The following IREB2 variants were observed in gnomAD, a reference collection of about 807,000 sequenced individuals.
IREB2 encodes iron-responsive element-binding protein 2.
Under a neutral mutation model 118.8 loss-of-function variants are expected in IREB2, and 39 were observed. The ratio of observed to expected loss-of-function variants is 0.33; its 90% CI spans 0.25 to 0.43. IREB2 has a LOEUF of 0.43. IREB2 is among the 20% of genes least tolerant of loss of function. IREB2 has a pLI of 1.00. For synonymous variants in IREB2, 372 were observed against 392.2 expected, an observed-to-expected ratio of 0.95 and a Z score of 0.61; for missense variants, 900 against 1,147.3, an observed-to-expected ratio of 0.78 and a Z score of 3.11.
At chr15:78,443,757 G>T (rs199830583) in intron 2 of IREB2, among the ~76,000 whole-genome samples, 1 of 151,670 alleles carries the variant, frequency 6.6e-6, no homozygotes, top group African/African-American at 2.4e-5. Context: ...AACGATTCTC[G>T]TGCCTCAGCC....
chr15:78,476,361 TAAG>T lies in IREB2; in HGVS notation c.1195+7_1195+9del, dbSNP rs1331871027. 1.3e-6 allele frequency: 2 copies of T among 1,533,950 alleles called. No homozygotes were observed. Among genetic ancestry groups the T allele is most frequent in the Non-Finnish European group, 8.9e-7 (1 of 1,123,860 alleles). On this transcript the variant is annotated splice_donor_5th_base_variant and intron_variant, in intron 9 of 21. Coordinates refer to ENST00000258886, the MANE Select transcript of IREB2 (RefSeq NM_004136.4). ...CATTAAAACATTTAGAACATACAGG[TAAG>T]AAGATAAAAGATCACTAGAATAAAC... is the stretch of plus-strand genomic sequence containing the variant.
At chr15:78,467,420 G>A (rs373635460) in intron 5 of IREB2, among the ~76,000 whole-genome samples, 2 of 151,934 alleles carry the variant, frequency 1.3e-5, no homozygotes, top group East Asian at 1.9e-4. Context: ...GGCCAGGCGC[G>A]GTGGCGCATG....
Position 78,476,200 on chromosome 15 carries a change from G to A in IREB2, c.1036G>A (p.Val346Ile), listed in dbSNP as rs148438593. ...ATTCCTTATATAGCACCTCAGGCAAGTAGGAGTGGCTGGAAAGTTTGTTGA... is the reference window on the plus strand; with the variant it reads ...ATTCCTTATATAGCACCTCAGGCAAATAGGAGTGGCTGGAAAGTTTGTTGA... ...VLGITKHLRQVGVAGKFVEFF... is the reference protein window; with the variant it reads ...VLGITKHLRQIGVAGKFVEFF... Residue 346 changes from valine to isoleucine, a missense_variant, in exon 9 of 22, where the codon GTA (valine) becomes ATA (isoleucine). Val to Ile is a conservative substitution (Grantham distance 29). Coordinates refer to ENST00000258886, the MANE Select transcript of IREB2 (RefSeq NM_004136.4). The A allele has an allele frequency of 6.3e-7, 1 of 1,590,884 alleles. No homozygotes were observed.
At chr15:78,464,594 C>A (rs1394497067) in intron 3 of IREB2, among the ~76,000 whole-genome samples, 1 of 152,118 alleles carries the variant, frequency 6.6e-6, no homozygotes, top group Non-Finnish European at 1.5e-5. Context: ...AAAACTTGAT[C>A]TTATTTTGAG....
At chr15:78,468,542 C>A (rs1008369456) in intron 5 of IREB2, among the ~76,000 whole-genome samples, 8 of 143,556 alleles carry the variant, frequency 5.6e-5, no homozygotes, top group Non-Finnish European at 9.2e-5. Flanking sequence ...CTCCACCTGG[C>A]TTTTTTTTTT....
At chr15:78,445,536 A>G (rs912056761) in intron 2 of IREB2, among the ~76,000 whole-genome samples, 1 of 152,266 alleles carries the variant, frequency 6.6e-6, no homozygotes, top group Non-Finnish European at 1.5e-5. Context: ...GGAAGAAAGC[A>G]TAGTCAAGTT....
intron 13 of IREB2, among the ~76,000 whole-genome samples, chr15:78,487,301 T>G: frequency 6.6e-6 from 1 of 152,334 alleles, no homozygotes; most frequent in Non-Finnish European, 1.5e-5. Context: ...AAAGGTCATG[T>G]TATATTCCTA....
chr15:78,484,796 A>C lies in IREB2; in HGVS notation c.1449A>C (p.Lys483Asn). 1 of 1,613,564 alleles carries C rather than the reference A, an allele frequency of 6.2e-7. No homozygotes were observed. Among genetic ancestry groups the C allele is most frequent in the Non-Finnish European group, 8.5e-7 (1 of 1,179,840 alleles). ...AAGGCTTCCAAATTGCAGCTGAAAAACAAAAGGATATTGTCTCCATTCATT... is the reference window on the plus strand; with the variant it reads ...AAGGCTTCCAAATTGCAGCTGAAAACCAAAAGGATATTGTCTCCATTCATT... Reference protein sequence around the residue: ...GFKGFQIAAEKQKDIVSIHYE... With the variant: ...GFKGFQIAAENQKDIVSIHYE... The change falls in exon 12 of 22, where the codon AAA becomes AAC. Residue 483 changes from lysine to asparagine, a missense_variant. By Grantham distance (94) the Lys-to-Asn change is moderately conservative. Transcript: ENST00000258886.
chr15:78,455,487 T>C (rs550187844), intron 2 of IREB2, among the ~76,000 whole-genome samples: 8 of 151,864 alleles, frequency 5.3e-5, no homozygotes, highest in Non-Finnish European at 7.4e-5. Context: ...CCCAGCACTT[T>C]GGAAGGCCAA....
At chr15:78,439,218 C>T (rs1310066796) in intron 1 of IREB2, among the ~76,000 whole-genome samples, 3 of 152,178 alleles carry the variant, frequency 2.0e-5, no homozygotes, top group Non-Finnish European at 4.4e-5. Context: ...TGCTAATTTC[C>T]TAGAGATTCT....
At chr15:78,466,783 T>C (rs2051290470) in intron 5 of IREB2, among the ~76,000 whole-genome samples, 1 of 152,230 alleles carries the variant, frequency 6.6e-6, no homozygotes, top group African/African-American at 2.4e-5. Flanking sequence ...GATCTCATTT[T>C]AAACTAAAAT....
At chr15:78,484,509 G>A (rs1015274230) in intron 11 of IREB2, among the ~76,000 whole-genome samples, 1 of 152,068 alleles carries the variant, frequency 6.6e-6, no homozygotes, top group Non-Finnish European at 1.5e-5. Flanking sequence ...CTGGATTCTG[G>A]GTGGTAGGCT....
intron 11 of IREB2, among the ~76,000 whole-genome samples, chr15:78,483,668 A>G (rs1566989290): frequency 6.6e-6 from 1 of 152,186 alleles, no homozygotes; most frequent in Non-Finnish European, 1.5e-5. Context: ...TTAAAATTAT[A>G]TACAATTTAA....
intron 7 of IREB2, 124 bp from the exon 8 acceptor site, chr15:78,473,118 C>A: frequency 1.2e-6 from 1 of 840,364 alleles, no homozygotes; most frequent in Non-Finnish European, 1.9e-6. Context: ...ACATTAATAG[C>A]AATATAGCAA....
At chr15:78,442,051 C>T (rs1028563946) in intron 2 of IREB2, among the ~76,000 whole-genome samples, 4 of 151,988 alleles carry the variant, frequency 2.6e-5, no homozygotes, top group Admixed American at 6.6e-5. Flanking sequence ...GTACTATAGG[C>T]GTGCATCACC....
At chr15:78,442,701 AT>A (rs2050862691) in intron 2 of IREB2, among the ~76,000 whole-genome samples, 1 of 152,306 alleles carries the variant, frequency 6.6e-6, no homozygotes, top group African/African-American at 2.4e-5. Context: ...AAGTGTGGAG[AT>A]TGGCAGACTG....
At chr15:78,440,661 C>T (rs1008282079) in intron 2 of IREB2, among the ~76,000 whole-genome samples, 8 of 152,224 alleles carry the variant, frequency 5.3e-5, no homozygotes, top group Non-Finnish European at 7.3e-5. Context: ...GCCACTATGC[C>T]TGGCCTGTTT....
intron 2 of IREB2, among the ~76,000 whole-genome samples, chr15:78,461,268 C>T (rs1425417117): frequency 6.6e-6 from 1 of 152,176 alleles, no homozygotes; most frequent in Non-Finnish European, 1.5e-5. Context: ...AAAGATTGAA[C>T]TTTGTTCACA....
At chr15:78,481,127 TA>T (rs1192597596) in intron 10 of IREB2, among the ~76,000 whole-genome samples, 21 of 152,044 alleles carry the variant, frequency 1.4e-4, no homozygotes, top group Admixed American at 5.9e-4. Context: ...ACTAGCATCA[TA>T]AGCAAGGCCC....
Sources: allele counts gnomAD v4.1 joint callset (sites outside exome capture counted in the v4.1 genomes callset), GRCh38; gene constraint gnomAD v4.1.1; transcripts MANE v1.5; gene names NCBI Gene and HGNC (gene_info 2026-07-23, HGNC 2026-07-21).